CIRBP: variants seen among roughly 807,000 people sequenced by gnomAD.
CIRBP encodes cold-inducible RNA-binding protein.
A neutral mutation model predicts 22.3 loss-of-function variants in CIRBP; 11 were observed. The ratio of observed to expected loss-of-function variants is 0.49; its 90% CI spans 0.31 to 0.82. CIRBP has a LOEUF of 0.82. CIRBP is among the 40% of genes least tolerant of loss of function. The pLI is 0.05. For missense variants in CIRBP, 456 were observed against 402.7 expected (o/e 1.13, Z -1.13); for synonymous variants, 216 against 158.8 (o/e 1.36, Z -2.71).
At chr19:1,269,916 G>A in intron 1 of CIRBP, 1 of 519,926 alleles carries the variant, frequency 1.9e-6, no homozygotes, top group South Asian at 1.4e-5. Flanking sequence ...TTCTAGTGTG[G>A]TTCCTCGTCT....
At chr19:1,269,874 C>T (rs751920038) in intron 1 of CIRBP, 5 of 519,728 alleles carry the variant, frequency 9.6e-6, no homozygotes, top group Admixed American at 5.8e-5. Flanking sequence ...AGGGAAAGGA[C>T]GGCCTCGTAA....
chr19:1,272,035 C>T lies in CIRBP; in HGVS notation c.486C>T (p.Asp162=), dbSNP rs752257288. The T allele has an allele frequency of 6.2e-7, 1 of 1,613,982 alleles. No homozygotes were observed. The highest frequency in any genetic ancestry group is 1.7e-5 in the Admixed American group (1 of 60,018). ...GGAGCTCGGGCGGGTCCTACAGAGACAGTTATGACAGTTACGGTAAGTCAC... is the reference window on the plus strand; with the variant it reads ...GGAGCTCGGGCGGGTCCTACAGAGATAGTTATGACAGTTACGGTAAGTCAC... ...SDRSSGGSYR[D]SYDSYGKSHS... Residue 162 remains aspartate, a synonymous_variant, in exon 6 of 6, where the codon GAC becomes GAT. Transcript: ENST00000587896.
At position 1,272,060 on chromosome 19, in the gene CIRBP, C is replaced by A; in HGVS notation, c.511C>A (p.His171Asn). ...RDSYDSYGKS[H>N]SEGATLLWPA... Reference sequence around the variant, plus strand: ...CAGTTATGACAGTTACGGTAAGTCACACTCCGAGGGCGCCACGCTGCTGTG... The same window carrying A: ...CAGTTATGACAGTTACGGTAAGTCAAACTCCGAGGGCGCCACGCTGCTGTG... The change falls in exon 6 of 6, where the codon CAC becomes AAC. Residue 171 changes from histidine to asparagine, a missense_variant. His to Asn is a moderately conservative substitution (Grantham distance 68). This residue lies in a region of CIRBP where 426 missense variants were observed against 339.6 expected (regional missense o/e 1.25). Coordinates refer to ENST00000587896, the MANE Select transcript of CIRBP (RefSeq NM_001300829.2). 6.2e-7 allele frequency: 1 copy of A among 1,614,102 alleles called. No homozygotes were observed. Among genetic ancestry groups the A allele is most frequent in the East Asian group, 2.2e-5 (1 of 44,890 alleles).
In CIRBP at chr19:1,271,105, T is replaced by A. The variant is rs201782476; in HGVS notation, c.104-35T>A. On this transcript the variant is annotated intron_variant, in intron 2 of 5. Transcript: ENST00000587896. The stretch of plus-strand genomic sequence containing the variant: ...TGCTCCTCCTACCTGGAAGTACAGC[T>A]GGGTGCTGACTGCAGACCTCTCTCC... 494 of 1,611,354 alleles carry A rather than the reference T, an allele frequency of 3.1e-4. 1 individual carries two copies. The highest frequency in any genetic ancestry group is 8.3e-5 in the Admixed American group (5 of 59,990).
chr19:1,271,788 C>T, intron 5 of CIRBP, 156 bp downstream of exon 5: 7 of 701,952 alleles, frequency 1.0e-5, no homozygotes, highest in East Asian at 2.7e-5. Context: ...CTGCTCAGGA[C>T]ATTCGCAGAA....
At position 1,271,436 on chromosome 19, in the gene CIRBP, G is replaced by T; in HGVS notation, c.318G>T (p.Gly106=). The part of the protein sequence containing the change: ...GSAGGRGFFR[G]GRGRGRGFSR... The stretch of plus-strand genomic sequence containing the variant: ...CCGGGGGCCGGGGCTTCTTCCGTGG[G>T]GGCCGAGGACGGGGCCGTGGGTTCT... Residue 106 remains glycine, a synonymous_variant, in exon 4 of 6, where the codon GGG becomes GGT. Transcript: ENST00000587896. 6.2e-7 allele frequency: 1 copy of T among 1,612,724 alleles called. No homozygotes were observed. Among genetic ancestry groups the T allele is most frequent in the South Asian group, 1.1e-5 (1 of 90,954 alleles).
In CIRBP at chr19:1,273,811, CT is replaced by C. The variant is rs906240064; in HGVS notation, c.*1378del. ...TTCCTGTGACTGTTTTTTGTTTTTC[CT>C]TTTTTTTTTAACTTTGTTTTTGTTT... On this transcript the variant is annotated 3_prime_UTR_variant, in exon 6 of 6. Transcript: ENST00000587896. 4.2e-4 allele frequency: 62 copies of C among 149,148 alleles called. No individual in the cohort carries two copies. The highest frequency in any genetic ancestry group is 5.8e-4 in the East Asian group (3 of 5,170). 9.2% of individuals were successfully genotyped at this position (149,148 alleles called of 1,614,324 possible).
chr19:1,273,950 G>A lies in CIRBP; in HGVS notation c.*1507G>A, dbSNP rs928174133. ...CTCATAGATGAAATCCCTTAAGCAG[G>A]ATTGAAGACCAGTGAACGCCCCCGC... On this transcript the variant is annotated 3_prime_UTR_variant, in exon 6 of 6. Transcript: ENST00000587896. 3.0e-5 allele frequency: 6 copies of A among 202,670 alleles called. No individual in the cohort carries two copies. The South Asian group carries it at 5.6e-4, about 19-fold the overall frequency. 12.6% of individuals were successfully genotyped at this position (202,670 alleles called of 1,614,324 possible).
At chr19:1,270,556 C>T (rs776865726) in intron 1 of CIRBP, among the ~76,000 whole-genome samples, 1 of 152,054 alleles carries the variant, frequency 6.6e-6, no homozygotes, top group Non-Finnish European at 1.5e-5. Context: ...TTGCTTGAGC[C>T]CAGGAGTTTC....
At position 1,271,121 on chromosome 19, in the gene CIRBP, A is replaced by T; in HGVS notation, c.104-19A>T. The T allele has an allele frequency of 6.2e-7, 1 of 1,610,372 alleles. No individual in the cohort carries two copies. The highest frequency in any genetic ancestry group is 8.5e-7 in the Non-Finnish European group (1 of 1,178,244). ...AAGTACAGCTGGGTGCTGACTGCAG[A>T]CCTCTCTCCCCTGCACAGTGGTGGT... On this transcript the variant is annotated intron_variant, in intron 2 of 5. Transcript: ENST00000587896.
At chr19:1,270,069 C>T (rs762261538) in intron 1 of CIRBP, 4 of 519,804 alleles carry the variant, frequency 7.7e-6, no homozygotes, top group Non-Finnish European at 1.2e-5. Flanking sequence ...CTGACCGCCC[C>T]CTTAAATAGC....
At chr19:1,270,109 T>G (rs373443845) in intron 1 of CIRBP, 2 of 519,182 alleles carry the variant, frequency 3.9e-6, no homozygotes, top group African/African-American at 3.9e-5. Context: ...TTCCCCTGCC[T>G]GGAAATCCTG....
intron 1 of CIRBP, chr19:1,270,070 C>CT: frequency 7.7e-6 from 4 of 519,896 alleles, no homozygotes; most frequent in Non-Finnish European, 1.5e-5. Flanking sequence ...TGACCGCCCC[C>CT]TTAAATAGCC....
chr19:1,272,544 TC>T lies in CIRBP; in HGVS notation c.*104del. On this transcript the variant is annotated 3_prime_UTR_variant, in exon 6 of 6. Transcript: ENST00000587896. ...GTGTAGTAAATGCACCTCCTTGTAT[TC>T]CCACTTTCGTAGTCATTTCGGTTCT... The T allele has an allele frequency of 9.7e-7, 1 of 1,030,866 alleles. No individual in the cohort carries two copies. The allele number at this position is 1,030,866 out of a possible 1,614,324, so 63.9% of individuals were successfully genotyped here. A position where few individuals can be genotyped will look rare whatever the true frequency, so the allele number is the denominator to read the frequency against.
At chr19:1,269,510 G>A (rs1568820350) in intron 1 of CIRBP, 100 bp downstream of exon 1, 1 of 153,892 alleles carries the variant, frequency 6.5e-6, no homozygotes, top group Non-Finnish European at 1.4e-5. Context: ...CCTGGGAGGG[G>A]GCGGGCCCGG....
At chr19:1,269,947 CAA>C (rs1243229127) in intron 1 of CIRBP, 1 of 519,964 alleles carries the variant, frequency 1.9e-6, no homozygotes, top group Admixed American at 1.9e-5. Flanking sequence ...GCTTTGCGCC[CAA>C]AGTTTGGTCC....
intron 1 of CIRBP, chr19:1,269,690 G>A (rs568936204): frequency 9.4e-6 from 3 of 319,498 alleles, no homozygotes; most frequent in East Asian, 9.7e-5. Flanking sequence ...CCGAGTTCCC[G>A]GATGGAGTGG....
rs1221442504 is a variant in CIRBP at position 1,269,359 on chromosome 19, C to T, written c.-58C>T. 2 of 152,032 alleles carry T rather than the reference C, an allele frequency of 1.3e-5. No individual in the cohort carries two copies. The highest frequency in any genetic ancestry group is 4.8e-5 in the African/African-American group (2 of 41,464). The allele number at this position is 152,032 out of a possible 1,614,324, so 9.4% of individuals were successfully genotyped here. A position where few individuals can be genotyped will look rare whatever the true frequency, so the allele number is the denominator to read the frequency against. ...CACTCGCGCGTTAGGAGGCTCGGGTCGTTGTGGTGCGCTGTCTTCCCGCTT... is the reference window on the plus strand; with the variant it reads ...CACTCGCGCGTTAGGAGGCTCGGGTTGTTGTGGTGCGCTGTCTTCCCGCTT... On this transcript the variant is annotated 5_prime_UTR_variant, in exon 1 of 6. Coordinates refer to ENST00000587896, the MANE Select transcript of CIRBP (RefSeq NM_001300829.2).
intron 1 of CIRBP, 133 bp from the exon 2 acceptor site, chr19:1,270,795 G>A (rs1031728426): frequency 1.4e-6 from 1 of 740,204 alleles, no homozygotes; most frequent in East Asian, 2.5e-5. Flanking sequence ...GTATGAGTTT[G>A]AGATAATGAA....
Sources: allele counts gnomAD v4.1 joint callset (sites outside exome capture counted in the v4.1 genomes callset), GRCh38; gene constraint gnomAD v4.1.1; regional missense constraint gnomAD v4.1.1; transcripts MANE v1.5; gene names NCBI Gene and HGNC (gene_info 2026-07-23, HGNC 2026-07-21).